KIAA1755: variants seen among roughly 807,000 people sequenced by gnomAD.
KIAA1755 encodes KIAA1755.
In KIAA1755, 68 loss-of-function variants were observed where a neutral mutation model predicts 91.7. The observed-to-expected ratio is 0.74, with a 90% CI of 0.61 to 0.91. The LOEUF is 0.91. KIAA1755 is among the 40% of genes least tolerant of loss of function. The probability of loss-of-function intolerance (pLI) is 0.00; values close to 1 mark genes in which losing one functional copy is unlikely to be tolerated. For synonymous variants in KIAA1755, 610 were observed against 604.6 expected (o/e 1.01, Z -0.13); for missense variants, 1,535 against 1,494.4 (o/e 1.03, Z -0.45).
intron 2 of KIAA1755, among the ~76,000 whole-genome samples, chr20:38,244,223 G>A (rs2076115891): frequency 6.6e-6 from 1 of 152,180 alleles, no homozygotes; most frequent in Non-Finnish European, 1.5e-5. Flanking sequence ...TTGTCAGGGA[G>A]AAGAAATAAG....
Position 38,217,490 on chromosome 20 carries a change from A to T in KIAA1755, c.2680-16T>A, listed in dbSNP as rs767867154. Reference sequence around the variant, plus strand: ...GGTACTGGGCCTGAGAGGGGAGAGGAGGGGGCGCCCACTCAGCACCCACCT... The same window carrying T: ...GGTACTGGGCCTGAGAGGGGAGAGGTGGGGGCGCCCACTCAGCACCCACCT... On this transcript the variant is annotated splice_polypyrimidine_tract_variant and intron_variant, in intron 12 of 13. Coordinates refer to ENST00000279024, the MANE Select transcript of KIAA1755 (RefSeq NM_001029864.2). 1.9e-6 allele frequency: 3 copies of T among 1,573,468 alleles called. No individual in the cohort carries two copies. The African/African-American group carries it at 4.1e-5, about 21-fold the overall frequency.
Position 38,213,006 on chromosome 20 carries a change from C to T in KIAA1755, c.*36G>A. 1.3e-6 allele frequency: 2 copies of T among 1,497,016 alleles called. No individual in the cohort carries two copies. Among genetic ancestry groups the T allele is most frequent in the African/African-American group, 1.4e-5 (1 of 71,466 alleles). 92.7% of individuals were successfully genotyped at this position (1,497,016 alleles called of 1,614,324 possible). ...CCTCCAGCTGGGCCCTGGCCCAGTG[C>T]TCCTGGAGGCTGGTGCGACTGAAGG... On this transcript the variant is annotated 3_prime_UTR_variant, in exon 14 of 14. Transcript: ENST00000279024.
rs2075562298 is a variant in KIAA1755 at position 38,217,246 on chromosome 20, G to A, written c.2901+7C>T. ...GGGTATCTGTGCAGGTGGGCCGCGG[G>A]GCTCACCCTCTTGCAGAAGCGGTGC... On this transcript the variant is annotated splice_region_variant and intron_variant, in intron 13 of 13. Transcript: ENST00000279024. The A allele has an allele frequency of 6.3e-7, 1 of 1,589,760 alleles. No individual in the cohort carries two copies. The highest frequency in any genetic ancestry group is 8.5e-7 in the Non-Finnish European group (1 of 1,170,526).
At chr20:38,214,539 A>G (rs995063373) in intron 13 of KIAA1755, among the ~76,000 whole-genome samples, 1 of 152,218 alleles carries the variant, frequency 6.6e-6, no homozygotes, top group African/African-American at 2.4e-5. Flanking sequence ...GGCTCAGAGA[A>G]GTGAACTCAC....
At chr20:38,252,566 CCT>C (rs933575144) in intron 1 of KIAA1755, among the ~76,000 whole-genome samples, 28 of 152,306 alleles carry the variant, frequency 1.8e-4, no homozygotes, top group East Asian at 5.8e-4. Context: ...CAGATCTTCC[CCT>C]GTTTCCTGCC....
At position 38,223,723 on chromosome 20, in the gene KIAA1755, G is replaced by A. The variant is rs898141364; in HGVS notation, c.2170-87C>T. 3.8e-5 allele frequency: 35 copies of A among 931,448 alleles called. No homozygotes were observed. The African/African-American group carries it at 5.6e-4, about 15-fold the overall frequency. The allele number at this position is 931,448 out of a possible 1,614,324, so 57.7% of individuals were successfully genotyped here. ...CATCTCAGGAGCACAGAGGGGAGGT[G>A]GGAGGCAGTGGCTCTCCAACTCCAG... On this transcript the variant is annotated intron_variant, in intron 8 of 13. Transcript: ENST00000279024.
chr20:38,230,954 C>T (rs1451984245), intron 5 of KIAA1755, among the ~76,000 whole-genome samples: 3 of 152,098 alleles, frequency 2.0e-5, no homozygotes, highest in Admixed American at 6.5e-5. Flanking sequence ...CACACTGACA[C>T]TCCTGAAAGT....
At position 38,242,001 on chromosome 20, in the gene KIAA1755, C is replaced by T. The variant is rs2123245344; in HGVS notation, c.202-72G>A. 2.7e-6 allele frequency: 4 copies of T among 1,465,834 alleles called. No individual in the cohort carries two copies. In the East Asian group the frequency reaches 9.1e-5, roughly 33 times the overall value. 90.8% of individuals were successfully genotyped at this position (1,465,834 alleles called of 1,614,324 possible). A position where few individuals can be genotyped will look rare whatever the true frequency, so the allele number is the denominator to read the frequency against. On this transcript the variant is annotated intron_variant, in intron 2 of 13. Transcript: ENST00000279024. ...TCCACCCTTGGATTTGCTCCTTTCC[C>T]TCTCCCACGTGGAATCTGGAACAGG...
intron 1 of KIAA1755, chr20:38,260,268 C>T: frequency 1.9e-6 from 3 of 1,547,058 alleles, no homozygotes; most frequent in Non-Finnish European, 1.7e-6. Flanking sequence ...TACAATCTTA[C>T]TCCATCCATA....
In KIAA1755 at chr20:38,213,762, G is replaced by C. The variant is rs781125826; in HGVS notation, c.2902-19C>G. ...AGGTCATCTGGGGGACAAGAAGAGA[G>C]GGAGGTGGGGGCTCAGGCTGGAAGT... On this transcript the variant is annotated intron_variant, in intron 13 of 13. Coordinates refer to ENST00000279024, the MANE Select transcript of KIAA1755 (RefSeq NM_001029864.2). 7.0e-7 allele frequency: 1 copy of C among 1,432,748 alleles called. No homozygotes were observed. Among genetic ancestry groups the C allele is most frequent in the South Asian group, 1.5e-5 (1 of 67,736 alleles). 88.8% of individuals were successfully genotyped at this position (1,432,748 alleles called of 1,614,324 possible).
intron 7 of KIAA1755, 76 bp downstream of exon 7, chr20:38,227,078 C>T (rs908879038): frequency 2.8e-6 from 3 of 1,070,366 alleles, no homozygotes; most frequent in East Asian, 2.5e-5. Flanking sequence ...TTCTGCAGTT[C>T]TCCCTCTCCT....
chr20:38,216,491 G>A (rs954179169), intron 13 of KIAA1755, among the ~76,000 whole-genome samples: 2 of 152,250 alleles, frequency 1.3e-5, no homozygotes, highest in African/African-American at 4.8e-5. Context: ...TTGGTGACAA[G>A]TGCAAGGGGC....
chr20:38,218,794 A>G (rs2075601480), intron 11 of KIAA1755, among the ~76,000 whole-genome samples: 1 of 152,216 alleles, frequency 6.6e-6, no homozygotes, highest in South Asian at 2.1e-4. Flanking sequence ...TGCAGGCTGC[A>G]GAGGAAAGTC....
chr20:38,236,366 G>A (rs2075960434), intron 4 of KIAA1755, among the ~76,000 whole-genome samples: 1 of 152,206 alleles, frequency 6.6e-6, no homozygotes, highest in Admixed American at 6.5e-5. Context: ...AAAAATCAGT[G>A]TCGGGGTTGT....
chr20:38,233,948 C>A (rs1450052533), intron 4 of KIAA1755: 3 of 151,910 alleles, frequency 2.0e-5, no homozygotes, highest in African/African-American at 7.3e-5. Flanking sequence ...TACTGTGGGC[C>A]CTAATAGAAT....
chr20:38,220,019 G>C (rs145321793), intron 10 of KIAA1755, among the ~76,000 whole-genome samples: 1 of 152,196 alleles, frequency 6.6e-6, no homozygotes, highest in East Asian at 1.9e-4. Flanking sequence ...GAAGCTGGCC[G>C]GACAGATCTG....
chr20:38,213,591 C>G lies in KIAA1755; in HGVS notation c.3054G>C (p.Gly1018=), dbSNP rs756972408. ...EFPAEKLAAV[G]LQVASLSRAG... ...CCCGGCTCAGGGAGGCCACCTGCAG[C>G]CCCACGGCTGCGAGCTTCTCAGCAG... The change falls in exon 14 of 14, where the codon GGG becomes GGC. Residue 1018 remains glycine, a synonymous_variant. Coordinates refer to ENST00000279024, the MANE Select transcript of KIAA1755 (RefSeq NM_001029864.2). 6.2e-7 allele frequency: 1 copy of G among 1,608,824 alleles called. No individual in the cohort carries two copies. The highest frequency in any genetic ancestry group is 8.5e-7 in the Non-Finnish European group (1 of 1,177,552).
At chr20:38,239,486 C>G (rs1327308029) in intron 4 of KIAA1755, 42 bp downstream of exon 4, 2 of 1,599,150 alleles carry the variant, frequency 1.3e-6, no homozygotes, top group East Asian at 4.5e-5. Flanking sequence ...TCTGGGGCCC[C>G]CAGCTCCCTC....
intron 1 of KIAA1755, among the ~76,000 whole-genome samples, chr20:38,248,681 T>TTTATTATTATTA (rs139229061): frequency 0.017 from 2,409 of 144,806 alleles, 20 homozygotes; most frequent in Middle Eastern, 0.047. Flanking sequence ...TTGTCTTCTC[T>TTTATTATTATTA]TTATTATTAT....
Sources: gnomAD v4.1 joint callset for allele counts (sites outside exome capture counted in the v4.1 genomes callset) on GRCh38, gnomAD v4.1.1 for gene constraint, MANE v1.5 for transcripts, NCBI Gene and HGNC (gene_info 2026-07-23, HGNC 2026-07-21) for gene names.